SYNJ2BP: variants seen among roughly 807,000 people sequenced by gnomAD.
SYNJ2BP encodes the protein synaptojanin-2-binding protein.
In SYNJ2BP, 10 loss-of-function variants were observed where a neutral mutation model predicts 16.9. The ratio of observed to expected loss-of-function variants is 0.59; its 90% confidence interval spans 0.36 to 1.00. SYNJ2BP has a LOEUF of 1.00. SYNJ2BP is among the 50% of genes least tolerant of loss of function. SYNJ2BP has a pLI of 0.01. For missense variants in SYNJ2BP, 162 were observed against 186.7 expected (o/e 0.87, Z 0.77); for synonymous variants, 54 against 68.4 (o/e 0.79, Z 1.04).
intron 1 of SYNJ2BP, among the ~76,000 whole-genome samples, chr14:70,397,107 A>G (rs1048148393): frequency 6.6e-6 from 1 of 152,194 alleles, no homozygotes; most frequent in Non-Finnish European, 1.5e-5. Context: ...TTATGGTTTT[A>G]GCTCTTACAT....
At position 70,372,582 on chromosome 14, in the gene SYNJ2BP, A is replaced by G. The variant is rs866199559; in HGVS notation, c.*409T>C. On this transcript the variant is annotated 3_prime_UTR_variant, in exon 4 of 4. Transcript: ENST00000256366. Reference sequence around the variant, plus strand: ...AGTTAGAAATTAAATAAAGGCCACAATAATTTCCCAAGGAAGATCATTAAA... The same window carrying G: ...AGTTAGAAATTAAATAAAGGCCACAGTAATTTCCCAAGGAAGATCATTAAA... The G allele has an allele frequency of 3.7e-5, 6 of 163,434 alleles. No homozygotes were observed. In the East Asian group the frequency reaches 7.3e-4, roughly 20 times the overall value. 10.1% of individuals were successfully genotyped at this position (163,434 alleles called of 1,614,324 possible). A position where few individuals can be genotyped will look rare whatever the true frequency, so the allele number is the denominator to read the frequency against.
Position 70,416,829 on chromosome 14 carries a change from T to G in SYNJ2BP, c.64+71A>C, listed in dbSNP as rs1888621765. 5 of 1,608,052 alleles carry G rather than the reference T, an allele frequency of 3.1e-6. No individual in the cohort carries two copies. The South Asian group carries it at 5.5e-5, about 18-fold the overall frequency. On this transcript the variant is annotated intron_variant, in intron 1 of 3. Coordinates refer to ENST00000256366, the MANE Select transcript of SYNJ2BP (RefSeq NM_018373.3). The stretch of plus-strand genomic sequence containing the variant: ...CGCCCCGAGGCCAGGTGAATCCGGC[T>G]CAGCAGCAGAGGTGTCTGCAATTAC...
intron 1 of SYNJ2BP, among the ~76,000 whole-genome samples, chr14:70,406,890 C>G (rs1213140841): frequency 6.6e-6 from 1 of 152,138 alleles, no homozygotes; most frequent in African/African-American, 2.4e-5. Flanking sequence ...ACAGCTAGCG[C>G]TGTGTGAATG....
intron 1 of SYNJ2BP, among the ~76,000 whole-genome samples, chr14:70,399,812 G>T (rs545494187): frequency 5.9e-5 from 9 of 152,288 alleles, no homozygotes; most frequent in African/African-American, 2.2e-4. Flanking sequence ...ATGCTGATTG[G>T]TGTTGTTTTG....
At chr14:70,411,128 T>A (rs1412374319) in intron 1 of SYNJ2BP, among the ~76,000 whole-genome samples, 1 of 152,204 alleles carries the variant, frequency 6.6e-6, no homozygotes, top group East Asian at 1.9e-4. Flanking sequence ...TTATTTATAA[T>A]GATTCAGGGC....
chr14:70,410,676 T>C (rs1303854638), intron 1 of SYNJ2BP, among the ~76,000 whole-genome samples: 2 of 152,130 alleles, frequency 1.3e-5, no homozygotes, highest in Non-Finnish European at 2.9e-5. Context: ...ATGGAATACT[T>C]TGCAGCCATG....
At chr14:70,412,631 AAC>A (rs1888512468) in intron 1 of SYNJ2BP, among the ~76,000 whole-genome samples, 2 of 149,238 alleles carry the variant, frequency 1.3e-5, no homozygotes, top group Admixed American at 6.7e-5. Flanking sequence ...TATATATAGT[AAC>A]TAGCACACTA....
At chr14:70,375,554 GA>G (rs1167541803) in intron 3 of SYNJ2BP, 121 bp downstream of exon 3, 1 of 1,275,048 alleles carries the variant, frequency 7.8e-7, no homozygotes, top group East Asian at 2.6e-5. Flanking sequence ...CTTTGCCTGA[GA>G]AACTCTTCAG....
rs1887545153 is a variant in SYNJ2BP, at chr14:70,372,865, T to C, written c.*126A>G. 1 of 1,378,754 alleles carries C rather than the reference T, an allele frequency of 7.3e-7. No individual in the cohort carries two copies. The allele number at this position is 1,378,754 out of a possible 1,614,324, so 85.4% of individuals were successfully genotyped here. A position where few individuals can be genotyped will look rare whatever the true frequency, so the allele number is the denominator to read the frequency against. ...GAATTGGAGACTGTGAACAGCAAGG[T>C]TTGGGGTGGGTATCAGTCACTTCAA... On this transcript the variant is annotated 3_prime_UTR_variant, in exon 4 of 4. Coordinates refer to ENST00000256366, the MANE Select transcript of SYNJ2BP (RefSeq NM_018373.3).
At position 70,368,183 on chromosome 14, in the gene SYNJ2BP, A is replaced by T. The variant is rs979651527; in HGVS notation, c.*4808T>A. The T allele has an allele frequency of 6.6e-6, 1 of 152,208 alleles. No individual in the cohort carries two copies. The highest frequency in any genetic ancestry group is 1.5e-5 in the Non-Finnish European group (1 of 68,026). 9.4% of individuals were successfully genotyped at this position (152,208 alleles called of 1,614,324 possible). ...AAAAGTCTCTAGAACTATTGGAATT[A>T]GTCTCAGAATAACTCATCTGATTGG... On this transcript the variant is annotated 3_prime_UTR_variant, in exon 4 of 4. Transcript: ENST00000256366.
At chr14:70,375,571 T>G in intron 3 of SYNJ2BP, 105 bp downstream of exon 3, 4 of 1,364,378 alleles carry the variant, frequency 2.9e-6, no homozygotes, top group South Asian at 3.3e-5. Flanking sequence ...TTCAGGGGAG[T>G]GAGGGTAAAA....
rs938694617 is a variant in SYNJ2BP, at chr14:70,417,063, G to A, written c.-100C>T. On this transcript the variant is annotated 5_prime_UTR_variant, in exon 1 of 4. Coordinates refer to ENST00000256366, the MANE Select transcript of SYNJ2BP (RefSeq NM_018373.3). ...CTGCGCCCACAGCACAGCGGTTTCG[G>A]TTTCAGCAGCCTCGAGACCCGGAAA... The A allele has an allele frequency of 1.5e-5, 23 of 1,582,854 alleles. 1 individual carries two copies. The highest frequency in any genetic ancestry group is 2.7e-5 in the African/African-American group (2 of 74,164).
intron 1 of SYNJ2BP, among the ~76,000 whole-genome samples, chr14:70,391,703 T>C (rs953685681): frequency 6.6e-6 from 1 of 152,188 alleles, no homozygotes; most frequent in Non-Finnish European, 1.5e-5. Flanking sequence ...ACTTTGCTAC[T>C]GGTTATTCAA....
At chr14:70,397,203 TAC>T (rs771983325) in intron 1 of SYNJ2BP, among the ~76,000 whole-genome samples, 52 of 152,346 alleles carry the variant, frequency 3.4e-4, no homozygotes, top group African/African-American at 1.2e-3. Context: ...CATGTGAATA[TAC>T]AGTTTTCCAA....
intron 2 of SYNJ2BP, among the ~76,000 whole-genome samples, chr14:70,387,540 A>G (rs911397332): frequency 2.0e-5 from 3 of 152,176 alleles, no homozygotes; most frequent in Non-Finnish European, 4.4e-5. Context: ...AAGGTTAAAA[A>G]AAGATCTTAG....
In SYNJ2BP at chr14:70,377,307, G is replaced by A. The variant is rs189877183; in HGVS notation, c.202-1536C>T. 3.5e-4 allele frequency among the ~76,000 whole-genome samples: 53 copies of A among 152,120 alleles called. No homozygotes were observed. The East Asian group carries it at 8.1e-3, about 23-fold the overall frequency. ...GATCTTCTGCCATCTTTCCAGTCCT[G>A]GGCCATATTCTGCAATCCTTTTCTT... is the stretch of plus-strand genomic sequence containing the variant. On this transcript the variant is annotated intron_variant, in intron 2 of 3. Coordinates refer to ENST00000256366, the MANE Select transcript of SYNJ2BP (RefSeq NM_018373.3).
intron 1 of SYNJ2BP, among the ~76,000 whole-genome samples, chr14:70,408,021 C>T (rs182828805): frequency 6.6e-6 from 1 of 152,094 alleles, no homozygotes; most frequent in Admixed American, 6.5e-5. Flanking sequence ...TTGAAAATTA[C>T]ACCTAGGTCA....
intron 1 of SYNJ2BP, among the ~76,000 whole-genome samples, chr14:70,414,772 A>C (rs10143078): frequency 0.066 from 9,975 of 152,264 alleles, 561 homozygotes; most frequent in African/African-American, 0.15. Flanking sequence ...AGAGCCTTTA[A>C]ATAAATACTT....
intron 1 of SYNJ2BP, among the ~76,000 whole-genome samples, chr14:70,411,961 TAG>T (rs1888482036): frequency 6.6e-6 from 1 of 152,222 alleles, no homozygotes; most frequent in Non-Finnish European, 1.5e-5. Flanking sequence ...GGCAAGGATA[TAG>T]CATTTAGCCT....
Sources: allele counts gnomAD v4.1 joint callset (sites outside exome capture counted in the v4.1 genomes callset), GRCh38; gene constraint gnomAD v4.1.1; transcripts MANE v1.5; gene names NCBI Gene and HGNC (gene_info 2026-07-23, HGNC 2026-07-21).